Variants in DHRSX observed in about 807,000 individuals in gnomAD.
DHRSX encodes dehydrogenase/reductase X-linked, also known as polyprenol dehydrogenase.
In DHRSX, 31 loss-of-function variants were observed where a neutral mutation model predicts 34.0. The observed-to-expected ratio is 0.91, with a 90% CI of 0.69 to 1.23. The LOEUF (loss-of-function observed/expected upper bound fraction) is 1.23. Among genes scored for constraint, DHRSX ranks in the 50% most tolerant of loss-of-function variants. The pLI, the probability that DHRSX is intolerant of heterozygous loss-of-function variation, is 0.00. For synonymous variants in DHRSX, 201 were observed against 183.8 expected (o/e 1.09, Z -0.76); for missense variants, 414 against 428.1 (o/e 0.97, Z 0.29).
intron 1 of DHRSX, among the ~76,000 whole-genome samples, chrX:2,483,899 TAATG>T (rs1288555049): frequency 6.6e-6 from 1 of 152,098 alleles, no homozygotes; most frequent in Non-Finnish European, 1.5e-5. Context: ...CTGAATTTCT[TAATG>T]GTTGGGGGAA....
In DHRSX at chrX:2,259,377, TATATATATAGATATATAG is replaced by T. The variant is rs1387854163; in HGVS notation, c.596+7345_596+7362del. On this transcript the variant is annotated intron_variant, in intron 5 of 6. Coordinates refer to ENST00000334651, the MANE Select transcript of DHRSX (RefSeq NM_145177.3). ...ATAGATAGATATAGATATATATAGATATATATATAGATATATAGATATATATATAGATATAGATATATA... is the reference window on the plus strand; with the variant it reads ...ATAGATAGATATAGATATATATAGATATATATATATAGATATAGATATATA... 1.3e-3 allele frequency among the ~76,000 whole-genome samples: 88 copies of T among 69,784 alleles called. 1 individual carries two copies. Among genetic ancestry groups the T allele is most frequent in the Non-Finnish European group, 1.7e-3 (54 of 31,924 alleles). The allele number at this position is 69,784 out of a possible 152,430, so 45.8% of individuals were successfully genotyped here. A position where few individuals can be genotyped will look rare whatever the true frequency, so the allele number is the denominator to read the frequency against.
At chrX:2,243,810 T>TG (rs1194553487) in intron 5 of DHRSX, among the ~76,000 whole-genome samples, 8 of 108,230 alleles carry the variant, frequency 7.4e-5, no homozygotes, top group South Asian at 6.0e-4. Flanking sequence ...TTTTTTTTTT[T>TG]TTTTTTTTTT....
intron 3 of DHRSX, among the ~76,000 whole-genome samples, chrX:2,407,828 A>G (rs1029494113): frequency 1.3e-5 from 2 of 152,204 alleles, no homozygotes; most frequent in Non-Finnish European, 2.9e-5. Flanking sequence ...CTCGGGTACA[A>G]TGTACGTGAT....
chrX:2,346,182 C>G (rs918199014), intron 3 of DHRSX, among the ~76,000 whole-genome samples: 3 of 152,104 alleles, frequency 2.0e-5, no homozygotes, highest in Non-Finnish European at 4.4e-5. Context: ...ATGTTTCTAA[C>G]TCTATGAGCA....
intron 1 of DHRSX, among the ~76,000 whole-genome samples, chrX:2,443,407 A>G (rs2044086835): frequency 1.3e-5 from 2 of 151,916 alleles, no homozygotes; most frequent in African/African-American, 4.8e-5. Context: ...CCAAAGGCAA[A>G]CAAGTCCAGT....
At position 2,355,422 on chromosome X, in the gene DHRSX, C is replaced by T. The variant is rs779529561; in HGVS notation, c.286+53323G>A. 9.1e-4 allele frequency among the ~76,000 whole-genome samples: 128 copies of T among 141,186 alleles called. 1 individual carries two copies. The highest frequency in any genetic ancestry group is 1.7e-3 in the Admixed American group (22 of 12,798). 92.6% of individuals were successfully genotyped at this position (141,186 alleles called of 152,430 possible). A position where few individuals can be genotyped will look rare whatever the true frequency, so the allele number is the denominator to read the frequency against. On this transcript the variant is annotated intron_variant, in intron 3 of 6. Transcript: ENST00000334651. ...AGCTACTCGGGAGGCTGAGGTGGGA[C>T]GATGTCTTCAGCCTGGGACGCAAAG...
intron 3 of DHRSX, among the ~76,000 whole-genome samples, chrX:2,330,476 G>C (rs967404741): frequency 2.7e-5 from 4 of 148,682 alleles, no homozygotes; most frequent in Non-Finnish European, 5.9e-5. Flanking sequence ...AGCTGAGATC[G>C]CGCCACGGCA....
At chrX:2,243,806 TTTTTTTTTTTTTTTTTG>T (rs2016211392) in intron 5 of DHRSX, among the ~76,000 whole-genome samples, 1 of 93,478 alleles carries the variant, frequency 1.1e-5, no homozygotes, top group African/African-American at 3.7e-5. Flanking sequence ...TTTTTTTTTT[TTTTTTTTTTTTTTTTTG>T]AGACAGATTC....
intron 4 of DHRSX, among the ~76,000 whole-genome samples, chrX:2,267,209 C>T (rs1235611403): frequency 1.3e-5 from 2 of 152,144 alleles, no homozygotes; most frequent in African/African-American, 4.8e-5. Context: ...AGGCCGGGCG[C>T]GGTGGCTCAC....
chrX:2,350,344 C>T (rs1449945455), intron 3 of DHRSX, among the ~76,000 whole-genome samples: 3 of 151,986 alleles, frequency 2.0e-5, no homozygotes, highest in Admixed American at 1.3e-4. Context: ...GAGCAAGACT[C>T]CATCTCAAAA....
At position 2,304,140 on chromosome X, in the gene DHRSX, AATGGATGG is replaced by A. The variant is rs765675076; in HGVS notation, c.287-12545_287-12538del. Reference sequence around the variant, plus strand: ...GGATGGATAAATGGATGGATGGATGAATGGATGGATGGATGGATGGATGGATGAACTGA... The same window carrying A: ...GGATGGATAAATGGATGGATGGATGAATGGATGGATGGATGGATGAACTGA... On this transcript the variant is annotated intron_variant, in intron 3 of 6. Coordinates refer to ENST00000334651, the MANE Select transcript of DHRSX (RefSeq NM_145177.3). 1.4e-3 allele frequency among the ~76,000 whole-genome samples: 43 copies of A among 31,422 alleles called. No individual in the cohort carries two copies. The South Asian group carries it at 0.018, about 13-fold the overall frequency. The allele number at this position is 31,422 out of a possible 152,430, so 20.6% of individuals were successfully genotyped here. A position where few individuals can be genotyped will look rare whatever the true frequency, so the allele number is the denominator to read the frequency against.
At chrX:2,489,751 C>A in intron 1 of DHRSX, 1 of 1,613,318 alleles carries the variant, frequency 6.2e-7, no homozygotes, top group Non-Finnish European at 8.5e-7. Flanking sequence ...CGGCAGACTG[C>A]TGGAAGTACT....
intron 1 of DHRSX, among the ~76,000 whole-genome samples, chrX:2,468,573 T>A (rs1324395641): frequency 7.4e-6 from 1 of 135,076 alleles, no homozygotes; most frequent in Non-Finnish European, 1.6e-5. Context: ...ACGGGACTAC[T>A]GCCATGTACA....
At chrX:2,272,059 A>G (rs1173787024) in intron 4 of DHRSX, among the ~76,000 whole-genome samples, 1 of 151,758 alleles carries the variant, frequency 6.6e-6, no homozygotes, top group Non-Finnish European at 1.5e-5. Flanking sequence ...ACATACCTGC[A>G]CCTGTCTGTT....
At chrX:2,414,661 C>T (rs2043671359) in intron 2 of DHRSX, among the ~76,000 whole-genome samples, 1 of 152,082 alleles carries the variant, frequency 6.6e-6, no homozygotes, top group Admixed American at 6.6e-5. Flanking sequence ...AACTAGGTCT[C>T]ATCATGACCT....
chrX:2,282,506 GAGAC>G (rs1458933556), intron 4 of DHRSX, among the ~76,000 whole-genome samples: 4 of 110,348 alleles, frequency 3.6e-5, no homozygotes, highest in Non-Finnish European at 9.6e-5. Flanking sequence ...AGGAGATAGA[GAGAC>G]AAGGGGAGAG....
At chrX:2,326,404 T>C (rs1450096800) in intron 3 of DHRSX, among the ~76,000 whole-genome samples, 2 of 152,068 alleles carry the variant, frequency 1.3e-5, no homozygotes, top group African/African-American at 2.4e-5. Context: ...GCACCTGTAA[T>C]CCCAGCTACT....
intron 1 of DHRSX, among the ~76,000 whole-genome samples, chrX:2,439,586 G>A (rs1226573023): frequency 6.6e-6 from 1 of 152,188 alleles, no homozygotes; most frequent in African/African-American, 2.4e-5. Flanking sequence ...AGAGAATGAA[G>A]TAATTATGAA....
intron 1 of DHRSX, chrX:2,488,713 C>T (rs1398923206): frequency 6.2e-7 from 1 of 1,613,918 alleles, no homozygotes; most frequent in South Asian, 1.1e-5. Flanking sequence ...GCTCCTGGTC[C>T]AGGCCCCACT....
Sources: allele counts gnomAD v4.1 joint callset (sites outside exome capture counted in the v4.1 genomes callset), GRCh38; gene constraint gnomAD v4.1.1; transcripts MANE v1.5; gene names NCBI Gene and HGNC (gene_info 2026-07-23, HGNC 2026-07-21).